MBD5: variants seen among roughly 807,000 people sequenced by gnomAD.
MBD5 encodes methyl-CpG binding domain protein 5, also known as methyl-CpG-binding domain protein 5.
MBD5 carries 13 observed loss-of-function variants against 117.3 expected under a neutral mutation model. The observed-to-expected ratio is 0.11, with a 90% confidence interval of 0.07 to 0.18. MBD5 has a LOEUF of 0.18. Ranked by LOEUF, MBD5 falls within the 10% of genes least tolerant of loss-of-function variation. The pLI, the probability that MBD5 is intolerant of heterozygous loss-of-function variation, is 1.00. For missense variants in MBD5, 1,879 were observed against 2,093.8 expected, an observed-to-expected ratio of 0.90 and a Z score of 2.00; for synonymous variants, 727 against 766.4, an observed-to-expected ratio of 0.95 and a Z score of 0.85.
At position 148,468,860 on chromosome 2, in the gene MBD5, A is replaced by G. The variant is rs1278028464; in HGVS notation, c.917A>G (p.Lys306Arg). Residue 306 changes from lysine (K) to arginine (R), a missense_variant, in exon 8 of 14, where the codon AAG becomes AGG. Coordinates refer to ENST00000642680, the MANE Select transcript of MBD5 (RefSeq NM_001378120.1). Reference sequence around the variant, plus strand: ...CCTCTTTCCCCAACCTTGACTACAAAGAGTCCAGTAATGAAAAAACCAATG... The same window carrying G: ...CCTCTTTCCCCAACCTTGACTACAAGGAGTCCAGTAATGAAAAAACCAATG... The part of the protein sequence containing the change: ...NIPLSPTLTT[K>R]SPVMKKPMCN... 7 of 1,613,890 alleles carry G rather than the reference A, an allele frequency of 4.3e-6. No homozygotes were observed. In the African/African-American group the frequency reaches 9.3e-5, roughly 22 times the overall value.
At chr2:148,094,782 A>G (rs1267273989) in intron 1 of MBD5, among the ~76,000 whole-genome samples, 1 of 152,128 alleles carries the variant, frequency 6.6e-6, no homozygotes, top group African/African-American at 2.4e-5. Context: ...AAGAAGAAAA[A>G]TAACTCATGG....
intron 3 of MBD5, among the ~76,000 whole-genome samples, chr2:148,262,749 T>C (rs564664418): frequency 9.8e-5 from 15 of 152,288 alleles, no homozygotes; most frequent in African/African-American, 3.6e-4. Context: ...TTCCTCCCAG[T>C]TGGTCATTAA....
At chr2:148,310,553 G>A (rs900809554) in intron 3 of MBD5, among the ~76,000 whole-genome samples, 1 of 151,714 alleles carries the variant, frequency 6.6e-6, no homozygotes, top group African/African-American at 2.4e-5. Context: ...TTATTAGTCT[G>A]GCTGGTGATT....
At chr2:148,106,300 A>C (rs1401326595) in intron 1 of MBD5, among the ~76,000 whole-genome samples, 4 of 151,990 alleles carry the variant, frequency 2.6e-5, no homozygotes, top group African/African-American at 7.2e-5. Context: ...TATTATTTAC[A>C]TACAAGTAAA....
intron 4 of MBD5, among the ~76,000 whole-genome samples, chr2:148,441,779 CTT>C (rs1302652489): frequency 6.6e-6 from 1 of 151,908 alleles, no homozygotes; most frequent in Non-Finnish European, 1.5e-5. Context: ...TGTTTCCTGA[CTT>C]TTTAATGATC....
chr2:148,273,084 T>A (rs2106349663), intron 3 of MBD5, among the ~76,000 whole-genome samples: 2 of 152,308 alleles, frequency 1.3e-5, no homozygotes, highest in South Asian at 4.1e-4. Context: ...TCTCTTTGTT[T>A]CTTTATTGTC....
At chr2:148,194,628 G>A (rs1250774585) in intron 2 of MBD5, among the ~76,000 whole-genome samples, 2 of 106,626 alleles carry the variant, frequency 1.9e-5, no homozygotes, top group African/African-American at 6.3e-5. Flanking sequence ...GGGGAGGGGG[G>A]AGGGATAGCA....
chr2:148,113,245 A>G (rs1166100800), intron 1 of MBD5, among the ~76,000 whole-genome samples: 2 of 152,212 alleles, frequency 1.3e-5, no homozygotes, highest in African/African-American at 4.8e-5. Context: ...TACCCTTTGT[A>G]ATAATTCATT....
intron 3 of MBD5, among the ~76,000 whole-genome samples, chr2:148,301,509 T>C (rs971972665): frequency 2.0e-5 from 3 of 152,140 alleles, no homozygotes; most frequent in African/African-American, 7.2e-5. Flanking sequence ...ATTAAAAAGC[T>C]TTAGAGCAGG....
chr2:148,034,414 A>T (rs979495095), intron 1 of MBD5, among the ~76,000 whole-genome samples: 1 of 152,174 alleles, frequency 6.6e-6, no homozygotes, highest in African/African-American at 2.4e-5. Flanking sequence ...TCGCACCTGA[A>T]AAAACCCAAA....
rs1574509629 is a variant in MBD5, at chr2:148,512,939, T to A, written c.5182T>A (p.Ter1728LysextTer6). ...PKPKRRKISR[*>K] ...ACCCAAGAGGAGGAAGATCTCCAGA[T>A]AACAGAGACTACTCCACTAATGCGC... The change falls in exon 14 of 14, where the codon TAA becomes AAA. Residue 1728 changes from the stop codon to lysine, a stop_lost. Transcript: ENST00000642680. 2 of 1,612,944 alleles carry A rather than the reference T, an allele frequency of 1.2e-6. No individual in the cohort carries two copies. The highest frequency in any genetic ancestry group is 1.3e-5 in the African/African-American group (1 of 75,032).
chr2:148,159,693 T>C (rs1030724076), intron 1 of MBD5, among the ~76,000 whole-genome samples: 7 of 152,200 alleles, frequency 4.6e-5, no homozygotes, highest in Non-Finnish European at 8.8e-5. Flanking sequence ...CAGGTCTGAA[T>C]TGGCAAATAA....
chr2:148,257,121 G>A (rs1469084996), intron 3 of MBD5, among the ~76,000 whole-genome samples: 2 of 152,136 alleles, frequency 1.3e-5, no homozygotes, highest in Non-Finnish European at 2.9e-5. Context: ...CCATAGTTGG[G>A]ACCAAAAGCC....
intron 2 of MBD5, among the ~76,000 whole-genome samples, chr2:148,231,987 T>G (rs1318548019): frequency 1.3e-5 from 2 of 152,190 alleles, no homozygotes; most frequent in Non-Finnish European, 2.9e-5. Flanking sequence ...GAGAATCCTC[T>G]CTGGGAAGTG....
intron 11 of MBD5, among the ~76,000 whole-genome samples, chr2:148,501,867 G>A (rs1681881901): frequency 1.3e-5 from 2 of 152,214 alleles, no homozygotes; most frequent in African/African-American, 4.8e-5. Context: ...GCTAGGATAA[G>A]TGTTCAACAA....
chr2:148,236,982 A>G (rs982274241), intron 3 of MBD5, among the ~76,000 whole-genome samples: 2 of 152,126 alleles, frequency 1.3e-5, no homozygotes, highest in African/African-American at 4.8e-5. Flanking sequence ...TGTGTAGACA[A>G]CTTCTTTCCT....
intron 4 of MBD5, among the ~76,000 whole-genome samples, chr2:148,421,816 G>T (rs1300281218): frequency 6.6e-6 from 1 of 152,212 alleles, no homozygotes; most frequent in Non-Finnish European, 1.5e-5. Flanking sequence ...AAGCTGCCAG[G>T]AAGTTCGAAC....
intron 3 of MBD5, among the ~76,000 whole-genome samples, chr2:148,265,391 A>G (rs1377208760): frequency 2.0e-5 from 3 of 152,158 alleles, no homozygotes; most frequent in African/African-American, 7.2e-5. Flanking sequence ...ATCTTTTTAA[A>G]ATTCACAATG....
At chr2:148,187,315 A>C (rs189086868) in intron 2 of MBD5, among the ~76,000 whole-genome samples, 4,937 of 147,114 alleles carry the variant, frequency 0.034, 145 homozygotes, top group Admixed American at 0.073. Flanking sequence ...TACCCCCCCC[A>C]AAAAAAAAAC....
Sources: allele counts gnomAD v4.1 joint callset (sites outside exome capture counted in the v4.1 genomes callset), GRCh38; gene constraint gnomAD v4.1.1; transcripts MANE v1.5; gene names NCBI Gene and HGNC (gene_info 2026-07-23, HGNC 2026-07-21).